The following SH3GL3 variants were observed in gnomAD, a reference collection of about 807,000 sequenced individuals.
SH3GL3 encodes SH3 domain containing GRB2 like 3, endophilin A3.
SH3GL3 carries 33 observed loss-of-function variants against 47.7 expected under a neutral mutation model. That is an observed-to-expected ratio of 0.69 (90% CI 0.52 to 0.92). The LOEUF (loss-of-function observed/expected upper bound fraction) is 0.92, where lower values mean the gene tolerates loss of function less well. Among genes scored for constraint, SH3GL3 ranks in the 40% least tolerant of loss-of-function variants. SH3GL3 has a pLI of 0.00. For missense variants in SH3GL3, 363 were observed against 417.8 expected (o/e 0.87, Z 1.14); for synonymous variants, 155 against 148.8 (o/e 1.04, Z -0.30).
intron 1 of SH3GL3, among the ~76,000 whole-genome samples, chr15:83,552,232 T>G (rs1410409951): frequency 6.6e-6 from 1 of 152,238 alleles, no homozygotes; most frequent in Non-Finnish European, 1.5e-5. Flanking sequence ...TTAGATTGAA[T>G]GACGTGGTGT....
intron 1 of SH3GL3, among the ~76,000 whole-genome samples, chr15:83,476,274 C>T (rs2041092562): frequency 6.6e-6 from 1 of 152,134 alleles, no homozygotes; most frequent in Non-Finnish European, 1.5e-5. Context: ...TGTGTGATTC[C>T]AAGGCAAGTA....
intron 1 of SH3GL3, among the ~76,000 whole-genome samples, chr15:83,507,014 T>C (rs1045766761): frequency 1.3e-5 from 2 of 148,604 alleles, no homozygotes; most frequent in African/African-American, 2.5e-5. Context: ...TTGTGTACGC[T>C]TTTTTTTTTG....
At chr15:83,586,809 C>T (rs1026826817) in intron 6 of SH3GL3, among the ~76,000 whole-genome samples, 174 bp from the exon 7 acceptor site, 9 of 152,160 alleles carry the variant, frequency 5.9e-5, no homozygotes, top group African/African-American at 1.9e-4. Flanking sequence ...TTTATAGCTC[C>T]ATACCATGAC....
chr15:83,450,759 C>CCT (rs768145183), intron 1 of SH3GL3, among the ~76,000 whole-genome samples: 1 of 44,538 alleles, frequency 2.2e-5, no homozygotes, highest in African/African-American at 1.0e-4. Context: ...GGATATTTTT[C>CCT]TTTTTTTTTT....
At chr15:83,464,514 C>G (rs1026153733) in intron 1 of SH3GL3, among the ~76,000 whole-genome samples, 7 of 152,194 alleles carry the variant, frequency 4.6e-5, no homozygotes, top group African/African-American at 1.4e-4. Flanking sequence ...CATCACCTCT[C>G]TCCTTGGATA....
chr15:83,532,700 A>G (rs1159626703), intron 1 of SH3GL3, among the ~76,000 whole-genome samples: 1 of 152,206 alleles, frequency 6.6e-6, no homozygotes, highest in East Asian at 1.9e-4. Flanking sequence ...CTCATCTAGC[A>G]TGAAGTCCAG....
chr15:83,566,486 C>A (rs1260219986), intron 3 of SH3GL3, among the ~76,000 whole-genome samples: 1 of 151,580 alleles, frequency 6.6e-6, no homozygotes, highest in East Asian at 1.9e-4. Flanking sequence ...TTCAAAAGTC[C>A]GGCACTGGCC....
downstream of SH3GL3, among the ~76,000 whole-genome samples, chr15:83,620,443 A>T (rs557932390): frequency 9.6e-4 from 146 of 152,352 alleles, 1 homozygote; most frequent in Non-Finnish European, 1.5e-3. Context: ...TTCTTGATCC[A>T]TGGGCTGAAG....
intron 1 of SH3GL3, among the ~76,000 whole-genome samples, chr15:83,556,413 G>A (rs1011486966): frequency 6.6e-6 from 1 of 152,200 alleles, no homozygotes; most frequent in Admixed American, 6.5e-5. Flanking sequence ...TGTTGAAAAT[G>A]ATCCCATATG....
chr15:83,505,323 G>A (rs2042453388), intron 1 of SH3GL3, among the ~76,000 whole-genome samples: 1 of 151,818 alleles, frequency 6.6e-6, no homozygotes, highest in African/African-American at 2.4e-5. Context: ...ATCAAATAAT[G>A]CCAGATTATA....
intron 1 of SH3GL3, among the ~76,000 whole-genome samples, chr15:83,556,188 T>G (rs1373329383): frequency 6.6e-6 from 1 of 151,656 alleles, no homozygotes; most frequent in Non-Finnish European, 1.5e-5. Context: ...CTATCTTTTT[T>G]TATCTTTCTA....
intron 8 of SH3GL3, among the ~76,000 whole-genome samples, chr15:83,598,588 A>T (rs1214771175): frequency 6.6e-6 from 1 of 152,234 alleles, no homozygotes; most frequent in Non-Finnish European, 1.5e-5. Context: ...ATTCAATGCC[A>T]CTTATCTCAC....
intron 2 of SH3GL3, among the ~76,000 whole-genome samples, chr15:83,563,048 A>G (rs1351307478): frequency 6.6e-6 from 1 of 152,232 alleles, no homozygotes; most frequent in Non-Finnish European, 1.5e-5. Flanking sequence ...TATTTAGCCC[A>G]AATTAATGTA....
intron 1 of SH3GL3, among the ~76,000 whole-genome samples, chr15:83,538,025 AT>A (rs1567315250): frequency 6.6e-6 from 1 of 152,146 alleles, no homozygotes; most frequent in Non-Finnish European, 1.5e-5. Flanking sequence ...TGGAAGTGAG[AT>A]TAATTAATTT....
intron 1 of SH3GL3, among the ~76,000 whole-genome samples, chr15:83,537,970 C>G (rs2151693637): frequency 6.6e-6 from 1 of 152,180 alleles, no homozygotes; most frequent in South Asian, 2.1e-4. Context: ...CATCTTGATT[C>G]AATTTCTGTA....
At chr15:83,610,886 T>C (rs183060012) in intron 8 of SH3GL3, among the ~76,000 whole-genome samples, 25 of 152,108 alleles carry the variant, frequency 1.6e-4, no homozygotes, top group Non-Finnish European at 2.5e-4. Flanking sequence ...GGCTGAGGAA[T>C]TGTAGGATTG....
intron 6 of SH3GL3, among the ~76,000 whole-genome samples, chr15:83,577,899 A>T (rs2059727912): frequency 6.6e-6 from 1 of 152,196 alleles, no homozygotes; most frequent in African/African-American, 2.4e-5. Context: ...GTTAAGGGAG[A>T]ACAGCTCTCT....
chr15:83,541,434 C>T (rs898299998), intron 1 of SH3GL3, among the ~76,000 whole-genome samples: 1 of 146,388 alleles, frequency 6.8e-6, no homozygotes, highest in Non-Finnish European at 1.5e-5. Flanking sequence ...CCCGGGTTCA[C>T]GCCATTCTCC....
intron 5 of SH3GL3, 79 bp downstream of exon 5, chr15:83,572,777 A>T: frequency 2.9e-6 from 3 of 1,040,082 alleles, no homozygotes; most frequent in Non-Finnish European, 4.2e-6. Flanking sequence ...ACGTTTCAGC[A>T]GACTGAAAGC....
Sources: allele counts gnomAD v4.1 joint callset (sites outside exome capture counted in the v4.1 genomes callset), GRCh38; gene constraint gnomAD v4.1.1; transcripts MANE v1.5; gene names NCBI Gene and HGNC (gene_info 2026-07-23, HGNC 2026-07-21).